The following MYRIP variants were observed in gnomAD, a reference collection of about 807,000 sequenced individuals.
MYRIP encodes the protein myosin VIIA and Rab interacting protein.
A neutral mutation model predicts 98.0 loss-of-function variants in MYRIP; 49 were observed. The ratio of observed to expected loss-of-function variants is 0.50; its 90% CI spans 0.40 to 0.63. MYRIP has a LOEUF of 0.63. Ranked by LOEUF, MYRIP falls within the 30% of genes least tolerant of loss-of-function variation. The pLI, the probability that MYRIP is intolerant of heterozygous loss-of-function variation, is 0.00. For missense variants in MYRIP, 1,004 were observed against 1,058.2 expected (o/e 0.95, Z 0.71); for synonymous variants, 404 against 409.5 (o/e 0.99, Z 0.16).
intron 3 of MYRIP, among the ~76,000 whole-genome samples, chr3:40,054,025 A>G (rs1361027143): frequency 1.3e-5 from 2 of 152,004 alleles, no homozygotes; most frequent in East Asian, 3.9e-4. Context: ...CTGTTTTGTC[A>G]CTCTGGCTGC....
chr3:40,103,714 G>A (rs769021881), intron 3 of MYRIP, among the ~76,000 whole-genome samples: 88 of 152,174 alleles, frequency 5.8e-4, no homozygotes, highest in Non-Finnish European at 9.4e-4. Flanking sequence ...AGCCGAGATC[G>A]TGCCATTGCA....
At chr3:40,086,213 C>T (rs995825899) in intron 3 of MYRIP, among the ~76,000 whole-genome samples, 5 of 152,166 alleles carry the variant, frequency 3.3e-5, no homozygotes, top group African/African-American at 9.7e-5. Context: ...GAAAGTTCTG[C>T]ATCTTCCCAG....
chr3:40,216,944 A>C (rs760437815), intron 11 of MYRIP, among the ~76,000 whole-genome samples: 1 of 152,190 alleles, frequency 6.6e-6, no homozygotes, highest in Non-Finnish European at 1.5e-5. Flanking sequence ...TAGCATATAC[A>C]TACGTGTAAA....
chr3:39,912,972 GGAGGTTGCAGTAAGCT>G (rs1479494009), intron 2 of MYRIP, among the ~76,000 whole-genome samples: 2 of 152,120 alleles, frequency 1.3e-5, no homozygotes, highest in Admixed American at 1.3e-4. Context: ...CCCAGGAGGC[GGAGGTTGCAGTAAGCT>G]GAGATTGCAC....
chr3:40,031,186 T>C (rs773234254), intron 2 of MYRIP, among the ~76,000 whole-genome samples: 3 of 152,066 alleles, frequency 2.0e-5, no homozygotes, highest in Non-Finnish European at 4.4e-5. Context: ...TCATAGATAA[T>C]GTCTTCTCTC....
At chr3:40,075,197 C>T (rs1446311589) in intron 3 of MYRIP, among the ~76,000 whole-genome samples, 20 of 152,094 alleles carry the variant, frequency 1.3e-4, no homozygotes, top group Admixed American at 1.3e-3. Flanking sequence ...ATAAGTGGTG[C>T]AAACTTTTAG....
intron 2 of MYRIP, among the ~76,000 whole-genome samples, chr3:40,022,239 C>T (rs1947015522): frequency 6.6e-6 from 1 of 152,282 alleles, no homozygotes; most frequent in Non-Finnish European, 1.5e-5. Context: ...TTCCTGTCCT[C>T]CTCTTTAAGG....
chr3:39,892,347 T>C (rs1358224931), intron 1 of MYRIP, among the ~76,000 whole-genome samples: 3 of 152,028 alleles, frequency 2.0e-5, no homozygotes, highest in Non-Finnish European at 4.4e-5. Context: ...CTGTGTGTGA[T>C]TGAGTGAAAG....
At chr3:39,842,017 G>A (rs1470853682) in intron 1 of MYRIP, among the ~76,000 whole-genome samples, 3 of 152,156 alleles carry the variant, frequency 2.0e-5, no homozygotes, top group East Asian at 1.9e-4. Context: ...CTTCAGAGCC[G>A]GCAGGCAGGA....
At chr3:39,837,093 C>G (rs1478655061) in intron 1 of MYRIP, among the ~76,000 whole-genome samples, 1 of 151,854 alleles carries the variant, frequency 6.6e-6, no homozygotes, top group African/African-American at 2.4e-5. Context: ...TGTGACTATT[C>G]CCCATAACTT....
chr3:40,011,504 A>T (rs1376106976), intron 2 of MYRIP, among the ~76,000 whole-genome samples: 1 of 152,188 alleles, frequency 6.6e-6, no homozygotes, highest in Non-Finnish European at 1.5e-5. Flanking sequence ...TAGTACCAAC[A>T]TCATAGCCAT....
chr3:40,067,290 G>T (rs1285733922), intron 3 of MYRIP, among the ~76,000 whole-genome samples: 1 of 152,206 alleles, frequency 6.6e-6, no homozygotes, highest in Non-Finnish European at 1.5e-5. Context: ...GTGGATTTGA[G>T]CAAAGGCTGT....
intron 1 of MYRIP, among the ~76,000 whole-genome samples, chr3:39,823,379 T>C (rs1325051628): frequency 6.6e-6 from 1 of 152,214 alleles, no homozygotes; most frequent in African/African-American, 2.4e-5. Context: ...AGTAGTGAGA[T>C]TGCTGGATGA....
rs71091786 is a variant in MYRIP, at chr3:40,036,302, C to CAAAAA, written c.111-7730_111-7726dup. 5.3e-4 allele frequency among the ~76,000 whole-genome samples: 34 copies of CAAAAA among 64,220 alleles called. 1 individual carries two copies. The highest frequency in any genetic ancestry group is 8.0e-4 in the Non-Finnish European group (27 of 33,712). The allele number at this position is 64,220 out of a possible 152,430, so 42.1% of individuals were successfully genotyped here. A position where few individuals can be genotyped will look rare whatever the true frequency, so the allele number is the denominator to read the frequency against. On this transcript the variant is annotated intron_variant, in intron 2 of 16. Transcript: ENST00000302541. ...GACTTCCCATTGCAACAACTGATAC[C>CAAAAA]AAAAAAAAAAAAAAAAAAAAAACTT...
intron 2 of MYRIP, among the ~76,000 whole-genome samples, chr3:40,038,225 T>C (rs991303134): frequency 1.3e-5 from 2 of 152,172 alleles, no homozygotes; most frequent in African/African-American, 4.8e-5. Flanking sequence ...AAAAATTTCT[T>C]ATTTAAAACC....
intron 1 of MYRIP, among the ~76,000 whole-genome samples, chr3:39,864,709 A>T (rs1393388533): frequency 6.6e-6 from 1 of 152,224 alleles, no homozygotes; most frequent in African/African-American, 2.4e-5. Context: ...AAAACAGTTA[A>T]AGTGGCCATA....
At chr3:40,236,963 G>A (rs1436593925) in intron 12 of MYRIP, among the ~76,000 whole-genome samples, 3 of 152,092 alleles carry the variant, frequency 2.0e-5, no homozygotes, top group African/African-American at 4.8e-5. Flanking sequence ...ACAGACATGA[G>A]CCATTATGCC....
intron 1 of MYRIP, among the ~76,000 whole-genome samples, chr3:39,854,105 T>C (rs1942217118): frequency 6.6e-6 from 1 of 152,182 alleles, no homozygotes; most frequent in South Asian, 2.1e-4. Flanking sequence ...GTTCCATTGG[T>C]CTGTGTGCCT....
intron 2 of MYRIP, among the ~76,000 whole-genome samples, chr3:39,941,681 A>G (rs1031063722): frequency 6.6e-5 from 10 of 152,128 alleles, no homozygotes; most frequent in African/African-American, 2.4e-4. Flanking sequence ...CATAGCATAC[A>G]TTACATCACA....
Sources: allele counts gnomAD v4.1 joint callset (sites outside exome capture counted in the v4.1 genomes callset), GRCh38; gene constraint gnomAD v4.1.1; transcripts MANE v1.5; gene names NCBI Gene and HGNC (gene_info 2026-07-23, HGNC 2026-07-21).